Variants in CNTN6 observed in about 807,000 individuals in gnomAD.
CNTN6 encodes contactin 6.
A neutral mutation model predicts 122.8 loss-of-function variants in CNTN6; 137 were observed. The observed-to-expected ratio is 1.12, with a 90% CI of 0.97 to 1.29. The LOEUF is 1.29. CNTN6 is among the 50% of genes most tolerant of loss of function. The pLI, the probability that CNTN6 is intolerant of heterozygous loss-of-function variation, is 0.00. For synonymous variants in CNTN6, 570 were observed against 426.0 expected (o/e 1.34, Z -4.16); for missense variants, 1,634 against 1,223.4 (o/e 1.34, Z -5.01).
chr3:1,329,709 G>A, intron 10 of CNTN6, 76 bp from the exon 11 acceptor site: 1 of 1,261,382 alleles, frequency 7.9e-7, no homozygotes, highest in Non-Finnish European at 1.1e-6. Flanking sequence ...ATTCTGTCTA[G>A]CATAGCAAGT....
At chr3:1,220,010 A>AAAAAGAAAAAAGAAAG (rs1553630234) in intron 2 of CNTN6, among the ~76,000 whole-genome samples, 1 of 151,508 alleles carries the variant, frequency 6.6e-6, no homozygotes, top group Non-Finnish European at 1.5e-5. Context: ...TCAAAAAATA[A>AAAAAGAAAAAAGAAAG]AAAGAAAATA....
intron 11 of CNTN6, among the ~76,000 whole-genome samples, chr3:1,351,402 C>T (rs1051973033): frequency 6.6e-6 from 1 of 152,068 alleles, no homozygotes; most frequent in East Asian, 1.9e-4. Flanking sequence ...ACAATCTTGA[C>T]TACCTACTAA....
At chr3:1,276,760 C>T (rs76890195) in intron 4 of CNTN6, among the ~76,000 whole-genome samples, 2,289 of 152,078 alleles carry the variant, frequency 0.015, 18 homozygotes, top group Non-Finnish European at 0.025. Context: ...TAAACTGATG[C>T]GACAGAGACC....
intron 5 of CNTN6, among the ~76,000 whole-genome samples, chr3:1,293,526 C>T (rs991741602): frequency 2.0e-5 from 3 of 152,152 alleles, no homozygotes; most frequent in Admixed American, 6.5e-5. Context: ...CCTACCGGAA[C>T]ATATCAGAAA....
chr3:1,183,444 A>G (rs2093586295), intron 2 of CNTN6, among the ~76,000 whole-genome samples: 2 of 150,412 alleles, frequency 1.3e-5, no homozygotes, highest in Non-Finnish European at 3.0e-5. Flanking sequence ...GGCCATGACC[A>G]TATTTTTTTT....
At chr3:1,104,339 A>T (rs938058824) in intron 1 of CNTN6, among the ~76,000 whole-genome samples, 12 of 152,182 alleles carry the variant, frequency 7.9e-5, no homozygotes, top group Non-Finnish European at 1.8e-4. Context: ...AATAATAATT[A>T]TTCCTCTGTT....
chr3:1,316,035 T>A (rs896008525), intron 7 of CNTN6, among the ~76,000 whole-genome samples: 12 of 151,946 alleles, frequency 7.9e-5, no homozygotes, highest in African/African-American at 2.9e-4. Flanking sequence ...ATGATAGTAA[T>A]CACATTATAA....
intron 4 of CNTN6, among the ~76,000 whole-genome samples, chr3:1,230,933 C>A (rs2094345245): frequency 6.6e-6 from 1 of 152,150 alleles, no homozygotes; most frequent in African/African-American, 2.4e-5. Context: ...GCTGGTGATT[C>A]CTTGTCCACA....
intron 7 of CNTN6, among the ~76,000 whole-genome samples, chr3:1,309,977 A>T (rs1698975208): frequency 6.6e-6 from 1 of 152,200 alleles, no homozygotes; most frequent in African/African-American, 2.4e-5. Flanking sequence ...TTGATATATT[A>T]ACATTGTATC....
chr3:1,231,760 C>G (rs2094354961), intron 4 of CNTN6, among the ~76,000 whole-genome samples: 1 of 152,178 alleles, frequency 6.6e-6, no homozygotes, highest in African/African-American at 2.4e-5. Flanking sequence ...ATCTGTCCTT[C>G]CAAATACTCA....
At chr3:1,303,786 A>G (rs530225054) in intron 7 of CNTN6, among the ~76,000 whole-genome samples, 2 of 152,290 alleles carry the variant, frequency 1.3e-5, no homozygotes, top group East Asian at 1.9e-4. Context: ...TGTATTTATT[A>G]AAAAGCTTTT....
At chr3:1,316,536 C>T (rs1282779521) in intron 7 of CNTN6, among the ~76,000 whole-genome samples, 1 of 151,816 alleles carries the variant, frequency 6.6e-6, no homozygotes, top group East Asian at 1.9e-4. Flanking sequence ...AATCCAGTCA[C>T]CTCCCACCAG....
At chr3:1,181,993 T>G (rs576700855) in intron 2 of CNTN6, among the ~76,000 whole-genome samples, 1 of 152,222 alleles carries the variant, frequency 6.6e-6, no homozygotes, top group South Asian at 2.1e-4. Flanking sequence ...TCACAGAACA[T>G]CTCTTCATTT....
At position 1,300,549 on chromosome 3, in the gene CNTN6, GAGAA is replaced by G. The variant is rs879489797; in HGVS notation, c.761+2564_761+2567del. Among the ~76,000 whole-genome samples, 273 of 115,244 alleles carry G rather than the reference GAGAA, an allele frequency of 2.4e-3. 3 individuals carry two copies. The highest frequency in any genetic ancestry group is 3.7e-3 in the Non-Finnish European group (200 of 54,662). The allele number at this position is 115,244 out of a possible 152,430, so 75.6% of individuals were successfully genotyped here. A position where few individuals can be genotyped will look rare whatever the true frequency, so the allele number is the denominator to read the frequency against. Reference sequence around the variant, plus strand: ...AGATAAAGAAAGAGAGAGAAAGAAAGAGAAAGAAAAAGAAAGAAAGAAAGAAAGA... The same window carrying G: ...AGATAAAGAAAGAGAGAGAAAGAAAGAGAAAAAGAAAGAAAGAAAGAAAGA... On this transcript the variant is annotated intron_variant, in intron 7 of 22. Coordinates refer to ENST00000446702, the MANE Select transcript of CNTN6 (RefSeq NM_001289080.2).
chr3:1,158,919 C>CAT (rs1172931963), intron 2 of CNTN6, among the ~76,000 whole-genome samples: 14 of 117,812 alleles, frequency 1.2e-4, no homozygotes, highest in East Asian at 3.1e-4. Flanking sequence ...TATACACACA[C>CAT]ATATATATAT....
intron 11 of CNTN6, among the ~76,000 whole-genome samples, chr3:1,339,247 C>T (rs1307871085): frequency 6.6e-6 from 1 of 152,122 alleles, no homozygotes. Context: ...CCTCCTCAAT[C>T]CCTCTCACCC....
intron 19 of CNTN6, among the ~76,000 whole-genome samples, chr3:1,383,652 CAA>C (rs1319371337): frequency 6.8e-6 from 1 of 146,018 alleles, no homozygotes; most frequent in Admixed American, 6.7e-5. Context: ...AAAACAAAAA[CAA>C]AAACAAAAAC....
rs374228500 is a variant in CNTN6 at position 1,102,581 on chromosome 3, G to C, written c.-83+9461G>C. Among the ~76,000 whole-genome samples, 1,253 of 136,770 alleles carry C rather than the reference G, an allele frequency of 9.2e-3. 18 individuals carry two copies. Among genetic ancestry groups the C allele is most frequent in the African/African-American group, 0.031 (1,129 of 36,142 alleles). 89.7% of individuals were successfully genotyped at this position (136,770 alleles called of 152,430 possible). A position where few individuals can be genotyped will look rare whatever the true frequency, so the allele number is the denominator to read the frequency against. On this transcript the variant is annotated intron_variant, in intron 1 of 22. Transcript: ENST00000446702. Reference sequence around the variant, plus strand: ...CCGTCTCTACTAAAAATACAAAAATGAGCCGGGCGTGGTGGCGGCGCCTGT... The same window carrying C: ...CCGTCTCTACTAAAAATACAAAAATCAGCCGGGCGTGGTGGCGGCGCCTGT...
chr3:1,347,276 G>A (rs1704877678), intron 11 of CNTN6, among the ~76,000 whole-genome samples: 1 of 152,040 alleles, frequency 6.6e-6, no homozygotes, highest in Admixed American at 6.6e-5. Context: ...TAATTTTACA[G>A]AACATTTTAA....
Sources: gnomAD v4.1 joint callset for allele counts (sites outside exome capture counted in the v4.1 genomes callset) on GRCh38, gnomAD v4.1.1 for gene constraint, MANE v1.5 for transcripts, NCBI Gene and HGNC (gene_info 2026-07-23, HGNC 2026-07-21) for gene names.